The following SWT1 variants were observed in gnomAD, a reference collection of about 807,000 sequenced individuals.
The protein encoded by SWT1 is SWT1 RNA endoribonuclease homolog, also known as transcriptional protein SWT1.
In SWT1, 33 loss-of-function variants were observed where a neutral mutation model predicts 107.3. The observed-to-expected ratio is 0.31, with a 90% CI of 0.23 to 0.41. SWT1 has a LOEUF of 0.41. Among genes scored for constraint, SWT1 ranks in the 10% least tolerant of loss-of-function variants. The pLI, the probability that SWT1 is intolerant of heterozygous loss-of-function variation, is 1.00. For missense variants in SWT1, 898 were observed against 1,028.9 expected (o/e 0.87, Z 1.74); for synonymous variants, 345 against 348.3 (o/e 0.99, Z 0.11).
chr1:185,173,293 A>G (rs2102339852), intron 4 of SWT1, among the ~76,000 whole-genome samples: 1 of 152,090 alleles, frequency 6.6e-6, no homozygotes, highest in East Asian at 1.9e-4. Flanking sequence ...AGTTCTTTAA[A>G]TTTTTATTAA....
chr1:185,283,192 G>T (rs940081691), intron 18 of SWT1, among the ~76,000 whole-genome samples: 2 of 152,154 alleles, frequency 1.3e-5, no homozygotes, highest in Non-Finnish European at 2.9e-5. Flanking sequence ...AAGGAATTAA[G>T]ATTTTAGATT....
chr1:185,175,221 G>A, intron 5 of SWT1, 108 bp downstream of exon 5: 6 of 966,616 alleles, frequency 6.2e-6, no homozygotes, highest in Non-Finnish European at 8.3e-6. Context: ...TTTTTTTGTT[G>A]TTGTTTGTTT....
In SWT1 at chr1:185,175,062, T is replaced by C. The variant is rs1655422616; in HGVS notation, c.915T>C (p.His305=). Residue 305 remains histidine, a synonymous_variant, in exon 5 of 19, where the codon CAT becomes CAC. Transcript: ENST00000367500. ...TTCATGAGTGGAAACGAAAACATCA[T>C]TATGACCATCAAGAAAGTAATGATT... ...RTVHEWKRKH[H]YDHQESNDSH... 6.3e-7 allele frequency: 1 copy of C among 1,588,334 alleles called. No individual in the cohort carries two copies. The highest frequency in any genetic ancestry group is 1.8e-5 in the Admixed American group (1 of 55,116).
chr1:185,171,516 C>T, intron 4 of SWT1: 1 of 346,480 alleles, frequency 2.9e-6, no homozygotes. Flanking sequence ...CTTGCCCTTG[C>T]TCCTTTTGAT....
chr1:185,283,572 T>G (rs1293039044), intron 18 of SWT1, among the ~76,000 whole-genome samples: 2 of 152,122 alleles, frequency 1.3e-5, no homozygotes, highest in African/African-American at 4.8e-5. Context: ...GTTTGTTTGT[T>G]CCTTTATGAG....
chr1:185,219,487 G>A (rs1439496181), intron 14 of SWT1, among the ~76,000 whole-genome samples: 1 of 152,080 alleles, frequency 6.6e-6, no homozygotes, highest in Non-Finnish European at 1.5e-5. Flanking sequence ...ATTTTAATAT[G>A]TATGAAATTA....
At chr1:185,215,233 G>GTCT (rs1659126186) in intron 14 of SWT1, among the ~76,000 whole-genome samples, 1 of 152,052 alleles carries the variant, frequency 6.6e-6, no homozygotes, top group South Asian at 2.1e-4. Flanking sequence ...CCACCTGTCT[G>GTCT]TCTGTCCATC....
At chr1:185,198,534 A>G (rs931649027) in intron 10 of SWT1, among the ~76,000 whole-genome samples, 4 of 152,160 alleles carry the variant, frequency 2.6e-5, no homozygotes, top group African/African-American at 4.8e-5. Context: ...GTGGGGTGTT[A>G]AAGTCTCCCA....
chr1:185,266,831 C>G (rs1424644507), intron 16 of SWT1, among the ~76,000 whole-genome samples: 1 of 152,164 alleles, frequency 6.6e-6, no homozygotes, highest in African/African-American at 2.4e-5. Context: ...AGTGTCAGTT[C>G]TGTTAACCAA....
intron 15 of SWT1, among the ~76,000 whole-genome samples, chr1:185,230,985 G>C (rs935689803): frequency 3.0e-4 from 45 of 152,296 alleles, no homozygotes; most frequent in African/African-American, 1.1e-3. Flanking sequence ...CTGGCCTCAA[G>C]TGATCCTCCC....
In SWT1 at chr1:185,168,398, G is replaced by T; in HGVS notation, c.224G>T (p.Arg75Ile). The change falls in exon 4 of 19, where the codon AGA (arginine) becomes ATA (isoleucine). Residue 75 changes from arginine to isoleucine, a missense_variant and splice_region_variant. This residue lies in a region of SWT1 where 382 missense variants were observed against 362.4 expected (regional missense o/e 1.05). Coordinates refer to ENST00000367500, the MANE Select transcript of SWT1 (RefSeq NM_017673.7). ...ATAAAAAGAAGACAAGGACTGAAAA[G>T]GTAAATTTCTCCTTTTTCTTTTTAC... The part of the protein sequence containing the change: ...YNIKRRQGLK[R>I]LSVEIDTLRR... 1.5e-6 allele frequency: 2 copies of T among 1,372,060 alleles called. No individual in the cohort carries two copies. The highest frequency in any genetic ancestry group is 9.8e-7 in the Non-Finnish European group (1 of 1,023,802). The allele number at this position is 1,372,060 out of a possible 1,614,324, so 85.0% of individuals were successfully genotyped here. A position where few individuals can be genotyped will look rare whatever the true frequency, so the allele number is the denominator to read the frequency against.
chr1:185,218,299 T>C (rs899182903), intron 14 of SWT1, among the ~76,000 whole-genome samples: 1 of 151,622 alleles, frequency 6.6e-6, no homozygotes, highest in Admixed American at 6.6e-5. Context: ...AAACTAACTT[T>C]ATCATTTTCC....
intron 13 of SWT1, among the ~76,000 whole-genome samples, chr1:185,212,523 G>C (rs1658900448): frequency 6.6e-6 from 1 of 152,148 alleles, no homozygotes. Context: ...TGATCTCGAA[G>C]AATCTGATGC....
intron 1 of SWT1, 61 bp from the exon 2 acceptor site, chr1:185,160,772 C>T: frequency 8.2e-7 from 1 of 1,216,116 alleles, no homozygotes; most frequent in East Asian, 2.4e-5. Flanking sequence ...TGAAAGAAGA[C>T]AAATTTCTAT....
chr1:185,220,656 C>T (rs1187147968), intron 14 of SWT1, among the ~76,000 whole-genome samples: 1 of 152,084 alleles, frequency 6.6e-6, no homozygotes, highest in Admixed American at 6.6e-5. Context: ...CTTTTTATAC[C>T]TCAAACTCAA....
intron 13 of SWT1, among the ~76,000 whole-genome samples, chr1:185,209,219 C>CTTAT (rs548822864): frequency 4.7e-4 from 72 of 151,688 alleles, no homozygotes; most frequent in Middle Eastern, 3.4e-3. Context: ...GCTCCAGTTT[C>CTTAT]TTATTTATTT....
Position 185,214,653 on chromosome 1 carries a change from G to C in SWT1, c.2119G>C (p.Glu707Gln). The stretch of plus-strand genomic sequence containing the variant: ...AAACAACCTCCTTCAGACATTTGCA[G>C]AGGTAAGATGCCTTTGGAATGCCAG... ...QVNNLLQTFA[E>Q]VKTKLKPNSS... is the part of the protein sequence containing the mutation. Residue 707 changes from glutamate to glutamine, a missense_variant and splice_region_variant, in exon 14 of 19, where the codon GAG becomes CAG. By Grantham distance (29) the Glu-to-Gln change is conservative. Coordinates refer to ENST00000367500, the MANE Select transcript of SWT1 (RefSeq NM_017673.7). 3 of 1,602,852 alleles carry C rather than the reference G, an allele frequency of 1.9e-6. No homozygotes were observed. Among genetic ancestry groups the C allele is most frequent in the Non-Finnish European group, 8.5e-7 (1 of 1,176,336 alleles).
At chr1:185,234,299 C>T (rs956567999) in intron 16 of SWT1, among the ~76,000 whole-genome samples, 9 of 152,172 alleles carry the variant, frequency 5.9e-5, no homozygotes, top group African/African-American at 2.2e-4. Context: ...CTGGGTACTC[C>T]TGTATTGGGT....
intron 9 of SWT1, among the ~76,000 whole-genome samples, chr1:185,187,581 G>C (rs759118539): frequency 2.6e-5 from 4 of 152,224 alleles, no homozygotes; most frequent in Admixed American, 1.3e-4. Flanking sequence ...AATTCTATTA[G>C]ATATTAAACA....
Sources: gnomAD v4.1 joint callset for allele counts (sites outside exome capture counted in the v4.1 genomes callset) on GRCh38, gnomAD v4.1.1 for gene constraint, gnomAD v4.1.1 regional missense constraint, MANE v1.5 for transcripts, NCBI Gene and HGNC (gene_info 2026-07-23, HGNC 2026-07-21) for gene names.